The following ZCCHC3 variants were observed in gnomAD, a reference collection of about 807,000 sequenced individuals.
ZCCHC3 encodes zinc finger CCHC domain-containing protein 3.
Under a neutral mutation model 18.4 loss-of-function variants are expected in ZCCHC3, and 20 were observed. The observed-to-expected ratio is 1.09, with a 90% confidence interval of 0.76 to 1.58. The LOEUF is 1.58. Among genes scored for constraint, ZCCHC3 ranks in the 40% most tolerant of loss-of-function variants. The pLI is 0.00. For missense variants in ZCCHC3, 548 were observed against 511.2 expected, an observed-to-expected ratio of 1.07 and a Z score of -0.69; for synonymous variants, 310 against 232.7, an observed-to-expected ratio of 1.33 and a Z score of -3.02.
rs776348441 is a variant in ZCCHC3 at position 298,175 on chromosome 20, C to T, written c.589C>T (p.Pro197Ser). The T allele has an allele frequency of 3.4e-6, 5 of 1,457,926 alleles. No homozygotes were observed. The highest frequency in any genetic ancestry group is 4.8e-6 in the Non-Finnish European group (5 of 1,037,656). The allele number at this position is 1,457,926 out of a possible 1,614,324, so 90.3% of individuals were successfully genotyped here. Reference protein sequence around the residue: ...ALILRSIGMDPSDIYAVIQIP... With the variant: ...ALILRSIGMDSSDIYAVIQIP... ...TATCCTGCGCTCCATCGGCATGGAC[C>T]CGAGCGACATCTACGCGGTCATCCA... is the stretch of plus-strand genomic sequence containing the variant. Residue 197 changes from proline to serine, a missense_variant, in exon 1 of 1, where the codon CCG (proline) becomes TCG (serine). Coordinates refer to ENST00000500893, the MANE Select transcript of ZCCHC3 (RefSeq NM_033089.7).
At position 297,708 on chromosome 20, in the gene ZCCHC3, C is replaced by A; in HGVS notation, c.122C>A (p.Ala41Asp). Residue 41 changes from alanine to aspartate, a missense_variant, in exon 1 of 1, where the codon GCC becomes GAC. Coordinates refer to ENST00000500893, the MANE Select transcript of ZCCHC3 (RefSeq NM_033089.7). ...GGCGGCCGCGAGAAGATGGGCTGGG[C>A]CCAGGTGGTGAAGAATCTAGCCGAG... ...ADGGREKMGW[A>D]QVVKNLAEKK... is the part of the protein sequence containing the mutation. 1.4e-6 allele frequency: 2 copies of A among 1,383,482 alleles called. No individual in the cohort carries two copies. The highest frequency in any genetic ancestry group is 1.9e-6 in the Non-Finnish European group (2 of 1,067,792). 85.7% of individuals were successfully genotyped at this position (1,383,482 alleles called of 1,614,324 possible).
Position 298,292 on chromosome 20 carries a change from G to A in ZCCHC3, c.706G>A (p.Glu236Lys). 1 of 819,196 alleles carries A rather than the reference G, an allele frequency of 1.2e-6. No individual in the cohort carries two copies. The highest frequency in any genetic ancestry group is 2.2e-6 in the Non-Finnish European group (1 of 453,142). 50.7% of individuals were successfully genotyped at this position (819,196 alleles called of 1,614,324 possible). ...LRVYEEKREQ[E>K]DCWENFVVLG... ...CGTCTACGAGGAGAAGCGGGAGCAG[G>A]AGGACTGCTGGGAGAACTTTGTGGT... The change falls in exon 1 of 1, where the codon GAG becomes AAG. Residue 236 changes from glutamate (E) to lysine (K), a missense_variant. By Grantham distance (56) the Glu-to-Lys change is moderately conservative. Transcript: ENST00000500893.
Position 297,688 on chromosome 20 carries a change from C to T in ZCCHC3, c.102C>T (p.Gly34=), listed in dbSNP as rs2012663042. ...CCCGGGGCGAGGAGGCCGACGGCGGCCGCGAGAAGATGGGCTGGGCCCAGG... is the reference window on the plus strand; with the variant it reads ...CCCGGGGCGAGGAGGCCGACGGCGGTCGCGAGAAGATGGGCTGGGCCCAGG... The part of the protein sequence containing the change: ...PAARGEEADG[G]REKMGWAQVV... Residue 34 remains glycine, a synonymous_variant, in exon 1 of 1, where the codon GGC becomes GGT. Transcript: ENST00000500893. 1 of 1,366,490 alleles carries T rather than the reference C, an allele frequency of 7.3e-7. No homozygotes were observed. Among genetic ancestry groups the T allele is most frequent in the East Asian group, 3.1e-5 (1 of 32,240 alleles). The allele number at this position is 1,366,490 out of a possible 1,614,324, so 84.6% of individuals were successfully genotyped here.
chr20:299,141 T>G lies in ZCCHC3; in HGVS notation c.*343T>G. 1 of 184,968 alleles carries G rather than the reference T, an allele frequency of 5.4e-6. No individual in the cohort carries two copies. The allele number at this position is 184,968 out of a possible 1,614,324, so 11.5% of individuals were successfully genotyped here. ...GCCCTCCCCGCCCCATACCTTTTCT[T>G]CCCCTGGATTTTCACCCTTTGGGCT... On this transcript the variant is annotated 3_prime_UTR_variant, in exon 1 of 1. Coordinates refer to ENST00000500893, the MANE Select transcript of ZCCHC3 (RefSeq NM_033089.7).
In ZCCHC3 at chr20:297,667, G is replaced by C. The variant is rs2122367517; in HGVS notation, c.81G>C (p.Arg27=). 1 of 1,369,292 alleles carries C rather than the reference G, an allele frequency of 7.3e-7. No homozygotes were observed. The highest frequency in any genetic ancestry group is 2.3e-4 in the Middle Eastern group (1 of 4,256). The allele number at this position is 1,369,292 out of a possible 1,614,324, so 84.8% of individuals were successfully genotyped here. The change falls in exon 1 of 1, where the codon CGG becomes CGC. Residue 27 remains arginine, a synonymous_variant. Transcript: ENST00000500893. ...TGCCCCCCGCGCGGCCCGCGGCCCG[G>C]GGCGAGGAGGCCGACGGCGGCCGCG... is the stretch of plus-strand genomic sequence containing the variant. The part of the protein sequence containing the change: ...QLLPPARPAA[R]GEEADGGREK...
At position 299,805 on chromosome 20, in the gene ZCCHC3, G is replaced by C. The variant is rs115623645; in HGVS notation, c.*1007G>C. ...AGCAGAAAGAGAAGGTTTTTAAGGA[G>C]GGGCTTCTGAATACTTGGGAGATAC... is the stretch of plus-strand genomic sequence containing the variant. On this transcript the variant is annotated 3_prime_UTR_variant, in exon 1 of 1. Transcript: ENST00000500893. 1 of 167,260 alleles carries C rather than the reference G, an allele frequency of 6.0e-6. No individual in the cohort carries two copies. The highest frequency in any genetic ancestry group is 2.4e-5 in the African/African-American group (1 of 41,434). The allele number at this position is 167,260 out of a possible 1,614,324, so 10.4% of individuals were successfully genotyped here. A position where few individuals can be genotyped will look rare whatever the true frequency, so the allele number is the denominator to read the frequency against.
chr20:298,929 G>A lies in ZCCHC3; in HGVS notation c.*131G>A. On this transcript the variant is annotated 3_prime_UTR_variant, in exon 1 of 1. Coordinates refer to ENST00000500893, the MANE Select transcript of ZCCHC3 (RefSeq NM_033089.7). ...AAACCTACAAGAGACATCTCTCTAT[G>A]CCTTCTTAAACCGAGTTTACTCCAT... The A allele has an allele frequency of 9.2e-7, 1 of 1,089,790 alleles. No homozygotes were observed. The highest frequency in any genetic ancestry group is 1.2e-6 in the Non-Finnish European group (1 of 802,372). 67.5% of individuals were successfully genotyped at this position (1,089,790 alleles called of 1,614,324 possible). A position where few individuals can be genotyped will look rare whatever the true frequency, so the allele number is the denominator to read the frequency against.
chr20:298,875 T>C lies in ZCCHC3; in HGVS notation c.*77T>C. On this transcript the variant is annotated 3_prime_UTR_variant, in exon 1 of 1. Coordinates refer to ENST00000500893, the MANE Select transcript of ZCCHC3 (RefSeq NM_033089.7). ...TGCCAAAACTTTTTTTTAAACCATTTTTTATCGTTTTTGAAGGAGATCTTT... is the reference window on the plus strand; with the variant it reads ...TGCCAAAACTTTTTTTTAAACCATTCTTTATCGTTTTTGAAGGAGATCTTT... 1 of 1,444,592 alleles carries C rather than the reference T, an allele frequency of 6.9e-7. No individual in the cohort carries two copies. Among genetic ancestry groups the C allele is most frequent in the South Asian group, 1.5e-5 (1 of 65,534 alleles). The allele number at this position is 1,444,592 out of a possible 1,614,324, so 89.5% of individuals were successfully genotyped here.
chr20:297,818 C>A lies in ZCCHC3; in HGVS notation c.232C>A (p.Pro78Thr). 7.8e-7 allele frequency: 1 copy of A among 1,273,908 alleles called. No individual in the cohort carries two copies. The highest frequency in any genetic ancestry group is 9.9e-7 in the Non-Finnish European group (1 of 1,011,316). The allele number at this position is 1,273,908 out of a possible 1,614,324, so 78.9% of individuals were successfully genotyped here. Residue 78 changes from proline (P) to threonine (T), a missense_variant, in exon 1 of 1, where the codon CCC becomes ACC. Pro to Thr is a conservative substitution (Grantham distance 38, BLOSUM62 -1). Coordinates refer to ENST00000500893, the MANE Select transcript of ZCCHC3 (RefSeq NM_033089.7). The stretch of plus-strand genomic sequence containing the variant: ...TGGAGGGAGCGCCGGGCTCGGCGGC[C>A]CCGCGGGCCTGGCGGCGCCGGACCT... ...GGGGSAGLGG[P>T]AGLAAPDLGD...
rs1312110606 is a variant in ZCCHC3 at position 297,658 on chromosome 20, C to T, written c.72C>T (p.Pro24=). 3.7e-6 allele frequency: 5 copies of T among 1,367,134 alleles called. No homozygotes were observed. The highest frequency in any genetic ancestry group is 3.8e-6 in the Non-Finnish European group (4 of 1,058,706). The allele number at this position is 1,367,134 out of a possible 1,614,324, so 84.7% of individuals were successfully genotyped here. Reference sequence around the variant, plus strand: ...CGCAGCTTCTGCCCCCCGCGCGGCCCGCGGCCCGGGGCGAGGAGGCCGACG... The same window carrying T: ...CGCAGCTTCTGCCCCCCGCGCGGCCTGCGGCCCGGGGCGAGGAGGCCGACG... ...GRPQLLPPAR[P]AARGEEADGG... is the part of the protein sequence containing the mutation. Residue 24 remains proline, a synonymous_variant, in exon 1 of 1, where the codon CCC becomes CCT. Transcript: ENST00000500893.
rs2012664577 is a variant in ZCCHC3, at chr20:297,753, A to AGCCGCG, written c.173_178dup (p.Arg58_Pro59dup). 7.3e-7 allele frequency: 1 copy of AGCCGCG among 1,377,686 alleles called. No individual in the cohort carries two copies. The highest frequency in any genetic ancestry group is 1.5e-5 in the African/African-American group (1 of 65,260). 85.3% of individuals were successfully genotyped at this position (1,377,686 alleles called of 1,614,324 possible). A position where few individuals can be genotyped will look rare whatever the true frequency, so the allele number is the denominator to read the frequency against. ...GCCGAGAAGAAGGGCGAATTCCGCG[A>AGCCGCG]GCCGCGGCCGCCGCGGCGGGAGGAG... On this transcript the variant is annotated inframe_insertion, in exon 1 of 1. Coordinates refer to ENST00000500893, the MANE Select transcript of ZCCHC3 (RefSeq NM_033089.7).
Position 298,766 on chromosome 20 carries a change from G to A in ZCCHC3, c.1180G>A (p.Ala394Thr), listed in dbSNP as rs1389828796. 1 of 1,529,226 alleles carries A rather than the reference G, an allele frequency of 6.5e-7. No individual in the cohort carries two copies. The highest frequency in any genetic ancestry group is 2.3e-5 in the East Asian group (1 of 42,798). The allele number at this position is 1,529,226 out of a possible 1,614,324, so 94.7% of individuals were successfully genotyped here. A position where few individuals can be genotyped will look rare whatever the true frequency, so the allele number is the denominator to read the frequency against. ...TCCCAAAGCAGTGCACAATTCCGTG[G>A]CAGCTCAGCTAACCGGCGTGGCCGG... is the stretch of plus-strand genomic sequence containing the variant. Reference protein sequence around the residue: ...QCPKAVHNSVAAQLTGVAGH With the variant: ...QCPKAVHNSVTAQLTGVAGH The change falls in exon 1 of 1, where the codon GCA becomes ACA. Residue 394 changes from alanine (A) to threonine (T), a missense_variant. Physicochemically the swap from Ala to Thr is moderately conservative, Grantham distance 58 (BLOSUM62 0). Coordinates refer to ENST00000500893, the MANE Select transcript of ZCCHC3 (RefSeq NM_033089.7).
At position 298,486 on chromosome 20, in the gene ZCCHC3, G is replaced by C; in HGVS notation, c.900G>C (p.Glu300Asp). The C allele has an allele frequency of 1.3e-6, 1 of 768,590 alleles. No individual in the cohort carries two copies. The highest frequency in any genetic ancestry group is 1.4e-5 in the South Asian group (1 of 73,204). The allele number at this position is 768,590 out of a possible 1,614,324, so 47.6% of individuals were successfully genotyped here. ...FGIWTGEYKC[E>D]IELRQGEGGV... Reference sequence around the variant, plus strand: ...TCTGGACCGGGGAGTACAAATGCGAGATCGAGCTGCGCCAGGGGGAGGGCG... The same window carrying C: ...TCTGGACCGGGGAGTACAAATGCGACATCGAGCTGCGCCAGGGGGAGGGCG... Residue 300 changes from glutamate (E) to aspartate (D), a missense_variant, in exon 1 of 1, where the codon GAG (glutamate) becomes GAC (aspartate). Physicochemically the swap from Glu to Asp is conservative, Grantham distance 45 (BLOSUM62 2). Coordinates refer to ENST00000500893, the MANE Select transcript of ZCCHC3 (RefSeq NM_033089.7).
In ZCCHC3 at chr20:297,856, A is replaced by T. The variant is rs1375377302; in HGVS notation, c.270A>T (p.Pro90=). 1 of 1,245,536 alleles carries T rather than the reference A, an allele frequency of 8.0e-7. No individual in the cohort carries two copies. The highest frequency in any genetic ancestry group is 1.0e-6 in the Non-Finnish European group (1 of 994,876). 77.2% of individuals were successfully genotyped at this position (1,245,536 alleles called of 1,614,324 possible). The change falls in exon 1 of 1, where the codon CCA becomes CCT. Residue 90 remains proline, a synonymous_variant. Transcript: ENST00000500893. ...CGGCGCCGGACCTCGGCGACTTCCCACCGGCTGGCCGCGGGGATCCGAAGG... is the reference window on the plus strand; with the variant it reads ...CGGCGCCGGACCTCGGCGACTTCCCTCCGGCTGGCCGCGGGGATCCGAAGG... The part of the protein sequence containing the change: ...GLAAPDLGDF[P]PAGRGDPKGR...
chr20:300,147 CGA>C lies in ZCCHC3; in HGVS notation c.*1353_*1354del, dbSNP rs1419401395. On this transcript the variant is annotated 3_prime_UTR_variant, in exon 1 of 1. Coordinates refer to ENST00000500893, the MANE Select transcript of ZCCHC3 (RefSeq NM_033089.7). ...AAATGTACTTGGGAGATAGGCCAAG[CGA>C]GAGGTCATGGGCCAACTAAGTGTTA... The C allele has an allele frequency of 1.2e-5, 2 of 167,068 alleles. No individual in the cohort carries two copies. Among genetic ancestry groups the C allele is most frequent in the Admixed American group, 1.3e-4 (2 of 15,272 alleles). 10.3% of individuals were successfully genotyped at this position (167,068 alleles called of 1,614,324 possible). A position where few individuals can be genotyped will look rare whatever the true frequency, so the allele number is the denominator to read the frequency against.
rs2012666486 is a variant in ZCCHC3 at position 297,798 on chromosome 20, G to A, written c.212G>A (p.Gly71Glu). 8 of 1,311,112 alleles carry A rather than the reference G, an allele frequency of 6.1e-6. No individual in the cohort carries two copies. Among genetic ancestry groups the A allele is most frequent in the Non-Finnish European group, 7.8e-6 (8 of 1,031,280 alleles). The allele number at this position is 1,311,112 out of a possible 1,614,324, so 81.2% of individuals were successfully genotyped here. A position where few individuals can be genotyped will look rare whatever the true frequency, so the allele number is the denominator to read the frequency against. The change falls in exon 1 of 1, where the codon GGG becomes GAG. Residue 71 changes from glycine (G) to glutamate (E), a missense_variant. By Grantham distance (98) the Gly-to-Glu change is moderately conservative. Transcript: ENST00000500893. ...RREEESGGGGGSAGLGGPAGL... is the reference protein window; with the variant it reads ...RREEESGGGGESAGLGGPAGL... ...GAGGAGGAAAGCGGCGGCGGTGGAG[G>A]GAGCGCCGGGCTCGGCGGCCCCGCG...
In ZCCHC3 at chr20:298,774, G is replaced by C. The variant is rs1159127737; in HGVS notation, c.1188G>C (p.Gln396His). The C allele has an allele frequency of 6.6e-7, 1 of 1,520,894 alleles. No homozygotes were observed. The highest frequency in any genetic ancestry group is 8.8e-7 in the Non-Finnish European group (1 of 1,131,492). The allele number at this position is 1,520,894 out of a possible 1,614,324, so 94.2% of individuals were successfully genotyped here. ...CAGTGCACAATTCCGTGGCAGCTCA[G>C]CTAACCGGCGTGGCCGGGCACTAAA... is the stretch of plus-strand genomic sequence containing the variant. ...PKAVHNSVAA[Q>H]LTGVAGH Residue 396 changes from glutamine to histidine, a missense_variant, in exon 1 of 1, where the codon CAG (glutamine) becomes CAC (histidine). Gln to His is a conservative substitution (Grantham distance 24). Transcript: ENST00000500893.
rs1269212959 is a variant in ZCCHC3 at position 297,607 on chromosome 20, G to A, written c.21G>A (p.Ala7=). MATGGG[A]EEERKRGRPQ... ...GTAAAATGGCCACCGGCGGCGGCGC[G>A]GAGGAAGAGAGGAAACGGGGGCGGC... The change falls in exon 1 of 1, where the codon GCG becomes GCA. Residue 7 remains alanine, a synonymous_variant. Transcript: ENST00000500893. The A allele has an allele frequency of 1.7e-5, 23 of 1,374,038 alleles. No individual in the cohort carries two copies. The highest frequency in any genetic ancestry group is 3.6e-5 in the Admixed American group (1 of 27,578). 85.1% of individuals were successfully genotyped at this position (1,374,038 alleles called of 1,614,324 possible). A position where few individuals can be genotyped will look rare whatever the true frequency, so the allele number is the denominator to read the frequency against.
chr20:297,885 G>C lies in ZCCHC3; in HGVS notation c.299G>C (p.Arg100Pro). ...GCTGGCCGCGGGGATCCGAAGGGCCGTCGGAGAGATCCGGCCGGCGAGGCG... is the reference window on the plus strand; with the variant it reads ...GCTGGCCGCGGGGATCCGAAGGGCCCTCGGAGAGATCCGGCCGGCGAGGCG... ...PPAGRGDPKG[R>P]RRDPAGEAVD... Residue 100 changes from arginine (R) to proline (P), a missense_variant, in exon 1 of 1, where the codon CGT becomes CCT. Transcript: ENST00000500893. 1 of 1,254,706 alleles carries C rather than the reference G, an allele frequency of 8.0e-7. No individual in the cohort carries two copies. Among genetic ancestry groups the C allele is most frequent in the South Asian group, 3.4e-5 (1 of 29,070 alleles). 77.7% of individuals were successfully genotyped at this position (1,254,706 alleles called of 1,614,324 possible).
Sources: gnomAD v4.1 joint callset for allele counts on GRCh38, gnomAD v4.1.1 for gene constraint, MANE v1.5 for transcripts, NCBI Gene and HGNC (gene_info 2026-07-23, HGNC 2026-07-21) for gene names.